SCYL3: variants seen among roughly 807,000 people sequenced by gnomAD.
SCYL3 encodes the protein SCY1 like pseudokinase 3, also known as protein-associating with the carboxyl-terminal domain of ezrin.
In SCYL3, 35 loss-of-function variants were observed where a neutral mutation model predicts 73.8. That is an observed-to-expected ratio of 0.47 (90% CI 0.36 to 0.63). SCYL3 has a LOEUF of 0.63. Ranked by LOEUF, SCYL3 falls within the 20% of genes least tolerant of loss-of-function variation. The probability of loss-of-function intolerance (pLI) is 0.00; values close to 1 mark genes in which losing one functional copy is unlikely to be tolerated. For synonymous variants in SCYL3, 277 were observed against 295.2 expected (o/e 0.94, Z 0.63); for missense variants, 712 against 798.9 (o/e 0.89, Z 1.31).
chr1:169,851,587 C>CT lies in SCYL3; in HGVS notation c.*2125dup, dbSNP rs1658344351. 3.6e-6 allele frequency: 2 copies of CT among 552,064 alleles called. No homozygotes were observed. Among genetic ancestry groups the CT allele is most frequent in the Non-Finnish European group, 3.2e-6 (1 of 317,210 alleles). 34.2% of individuals were successfully genotyped at this position (552,064 alleles called of 1,614,324 possible). A position where few individuals can be genotyped will look rare whatever the true frequency, so the allele number is the denominator to read the frequency against. ...AGCTTATACAGTAAAGGTTAGCAGA[C>CT]TATCATTTTTTCCTGCAAAGACAAC... On this transcript the variant is annotated 3_prime_UTR_variant, in exon 13 of 13. Coordinates refer to ENST00000367771, the MANE Select transcript of SCYL3 (RefSeq NM_020423.7).
At chr1:169,855,138 T>A (rs1267521553) in intron 11 of SCYL3, among the ~76,000 whole-genome samples, 174 bp from the exon 12 acceptor site, 1 of 152,152 alleles carries the variant, frequency 6.6e-6, no homozygotes, top group Non-Finnish European at 1.5e-5. Context: ...CGATGTCACA[T>A]GTTATCCAAA....
chr1:169,865,210 A>G (rs7531947), intron 8 of SCYL3, among the ~76,000 whole-genome samples: 6,307 of 152,232 alleles, frequency 0.041, 382 homozygotes, highest in African/African-American at 0.13. Context: ...ATAAATTAAA[A>G]CAACATATAT....
chr1:169,876,979 A>T (rs1167522771), intron 3 of SCYL3, among the ~76,000 whole-genome samples: 1 of 149,308 alleles, frequency 6.7e-6, no homozygotes, highest in South Asian at 2.1e-4. Context: ...AAAAAAAAAA[A>T]AAAAAAAAAG....
At chr1:169,867,480 G>C (rs1660115145) in intron 7 of SCYL3, among the ~76,000 whole-genome samples, 1 of 152,172 alleles carries the variant, frequency 6.6e-6, no homozygotes, top group Admixed American at 6.5e-5. Flanking sequence ...GTTTCCTACA[G>C]GGCTGCCAGA....
At position 169,853,703 on chromosome 1, in the gene SCYL3, A is replaced by C. The variant is rs752262038; in HGVS notation, c.*10T>G. The C allele has an allele frequency of 8.7e-6, 14 of 1,612,408 alleles. No homozygotes were observed. The highest frequency in any genetic ancestry group is 1.2e-5 in the Non-Finnish European group (14 of 1,179,192). On this transcript the variant is annotated 3_prime_UTR_variant, in exon 13 of 13. Coordinates refer to ENST00000367771, the MANE Select transcript of SCYL3 (RefSeq NM_020423.7). The stretch of plus-strand genomic sequence containing the variant: ...AATCCTTTTTCCTAAAGTTTAACTC[A>C]CATCTATTGTCACCAGTTATTATCT...
rs1658278054 is a variant in SCYL3 at position 169,851,256 on chromosome 1, A to G, written c.*2457T>C. ...TTAGACTACCAGGAGAAACTGAATT[A>G]TTTGATATATTACATGTAATGATGC... is the stretch of plus-strand genomic sequence containing the variant. On this transcript the variant is annotated 3_prime_UTR_variant, in exon 13 of 13. Coordinates refer to ENST00000367771, the MANE Select transcript of SCYL3 (RefSeq NM_020423.7). The G allele has an allele frequency of 1.3e-5, 2 of 153,048 alleles. No individual in the cohort carries two copies. Among genetic ancestry groups the G allele is most frequent in the Admixed American group, 6.6e-5 (1 of 15,212 alleles). 9.5% of individuals were successfully genotyped at this position (153,048 alleles called of 1,614,324 possible).
At chr1:169,856,652 C>T (rs1286328016) in intron 11 of SCYL3, among the ~76,000 whole-genome samples, 1 of 152,018 alleles carries the variant, frequency 6.6e-6, no homozygotes, top group Non-Finnish European at 1.5e-5. Flanking sequence ...TGCCACTATC[C>T]TCCTTGAAGT....
intron 10 of SCYL3, 103 bp from the exon 11 acceptor site, chr1:169,859,315 C>A (rs1478933304): frequency 3.6e-6 from 4 of 1,111,240 alleles, no homozygotes; most frequent in Non-Finnish European, 5.0e-6. Context: ...CTTAGATAAA[C>A]TACATTATCT....
chr1:169,850,114 T>G lies in SCYL3; in HGVS notation c.*3599A>C. The G allele has an allele frequency of 1.7e-6, 1 of 602,414 alleles. No homozygotes were observed. Among genetic ancestry groups the G allele is most frequent in the South Asian group, 2.1e-5 (1 of 48,620 alleles). 37.3% of individuals were successfully genotyped at this position (602,414 alleles called of 1,614,324 possible). On this transcript the variant is annotated 3_prime_UTR_variant, in exon 13 of 13. Coordinates refer to ENST00000367771, the MANE Select transcript of SCYL3 (RefSeq NM_020423.7). ...AATTTTGTATTATCCTTAGGGACCC[T>G]GAAGGAATCATGAGTTTATCACCTT...
intron 8 of SCYL3, among the ~76,000 whole-genome samples, chr1:169,865,162 C>T (rs1659951373): frequency 1.3e-5 from 2 of 152,054 alleles, no homozygotes; most frequent in South Asian, 4.1e-4. Context: ...TAGAAAGCTT[C>T]CATAACTAAC....
Position 169,849,823 on chromosome 1 carries a change from A to G in SCYL3, c.*3890T>C. ...GTCCTCTGAATAAACAAGGACCAGA[A>G]CAGGCATACACAGCAGGCCTACTGA... On this transcript the variant is annotated 3_prime_UTR_variant, in exon 13 of 13. Coordinates refer to ENST00000367771, the MANE Select transcript of SCYL3 (RefSeq NM_020423.7). The G allele has an allele frequency of 1.8e-6, 1 of 542,496 alleles. No individual in the cohort carries two copies. Among genetic ancestry groups the G allele is most frequent in the Non-Finnish European group, 3.3e-6 (1 of 302,724 alleles). The allele number at this position is 542,496 out of a possible 1,614,324, so 33.6% of individuals were successfully genotyped here. A position where few individuals can be genotyped will look rare whatever the true frequency, so the allele number is the denominator to read the frequency against.
chr1:169,853,934 G>A (rs902530925), intron 12 of SCYL3, 162 bp from the exon 13 acceptor site: 4 of 779,880 alleles, frequency 5.1e-6, no homozygotes, highest in Non-Finnish European at 2.0e-6. Flanking sequence ...AAGTTGAAAA[G>A]TAGGATTACA....
chr1:169,854,256 A>AT lies in SCYL3; in HGVS notation c.2007+13dup, dbSNP rs1658896633. 21 of 1,576,904 alleles carry AT rather than the reference A, an allele frequency of 1.3e-5. No individual in the cohort carries two copies. The highest frequency in any genetic ancestry group is 1.7e-5 in the Non-Finnish European group (20 of 1,163,592). On this transcript the variant is annotated intron_variant, in intron 12 of 12. Coordinates refer to ENST00000367771, the MANE Select transcript of SCYL3 (RefSeq NM_020423.7). Reference sequence around the variant, plus strand: ...TAAAGCTAGTAGCACAGTTTACTCCATAAAAGTACTCACCTCAGTAATTTC... The same window carrying AT: ...TAAAGCTAGTAGCACAGTTTACTCCATTAAAAGTACTCACCTCAGTAATTTC...
intron 2 of SCYL3, among the ~76,000 whole-genome samples, chr1:169,884,419 T>C (rs1179346005): frequency 6.6e-6 from 1 of 152,058 alleles, no homozygotes; most frequent in East Asian, 1.9e-4. Context: ...TGCCTCAACC[T>C]CTCGAATAGC....
In SCYL3 at chr1:169,868,948, T is replaced by C. The variant is rs138675044; in HGVS notation, c.717A>G (p.Leu239=). 6.2e-6 allele frequency: 10 copies of C among 1,613,686 alleles called. No homozygotes were observed. In the African/African-American group the frequency reaches 1.1e-4, roughly 17 times the overall value. ...CTCACCTGAAGAAGTCATGAGATAG[T>C]AAGGTGCAGAGCGCTGGCCGACATT... The part of the protein sequence containing the change: ...IPKCRPALCT[L]LSHDFFRNDF... Residue 239 remains leucine, a synonymous_variant, in exon 7 of 13, where the codon TTA becomes TTG. Transcript: ENST00000367771.
intron 11 of SCYL3, among the ~76,000 whole-genome samples, chr1:169,857,736 TAC>T (rs1033369905): frequency 7.4e-6 from 1 of 134,972 alleles, no homozygotes; most frequent in Non-Finnish European, 1.6e-5. Flanking sequence ...GCAAAAATCC[TAC>T]ACAGTCTTGT....
At position 169,851,912 on chromosome 1, in the gene SCYL3, A is replaced by G. The variant is rs767660679; in HGVS notation, c.*1801T>C. On this transcript the variant is annotated 3_prime_UTR_variant, in exon 13 of 13. Coordinates refer to ENST00000367771, the MANE Select transcript of SCYL3 (RefSeq NM_020423.7). ...AACCCTTTGCTAATGTGACTGTAGA[A>G]GAAGCAAAGAGGTCATCTTTACAGG... 6.2e-7 allele frequency: 1 copy of G among 1,613,982 alleles called. No homozygotes were observed. Among genetic ancestry groups the G allele is most frequent in the Admixed American group, 1.7e-5 (1 of 59,998 alleles).
At chr1:169,865,428 G>C (rs1201396142) in intron 8 of SCYL3, among the ~76,000 whole-genome samples, 3 of 152,102 alleles carry the variant, frequency 2.0e-5, no homozygotes, top group African/African-American at 7.2e-5. Flanking sequence ...AAGGATCCGA[G>C]GGCCTCCTCT....
chr1:169,855,683 A>C (rs566550755), intron 11 of SCYL3: 47 of 952,046 alleles, frequency 4.9e-5, no homozygotes, highest in Non-Finnish European at 7.1e-5. Flanking sequence ...AAAGCTGACT[A>C]CATAATTACA....
Sources: gnomAD v4.1 joint callset for allele counts (sites outside exome capture counted in the v4.1 genomes callset) on GRCh38, gnomAD v4.1.1 for gene constraint, MANE v1.5 for transcripts, NCBI Gene and HGNC (gene_info 2026-07-23, HGNC 2026-07-21) for gene names.